CCDC88A: variants seen among roughly 807,000 people sequenced by gnomAD.
CCDC88A encodes the protein coiled-coil and HOOK domain protein 88A, also known as girdin.
Under a neutral mutation model 234.3 loss-of-function variants are expected in CCDC88A, and 54 were observed. The observed-to-expected ratio is 0.23, with a 90% confidence interval of 0.19 to 0.29. The LOEUF (loss-of-function observed/expected upper bound fraction) is 0.29, where lower values mean the gene tolerates loss of function less well. Ranked by LOEUF, CCDC88A falls within the 10% of genes least tolerant of loss-of-function variation. The pLI is 1.00. For missense variants in CCDC88A, 1,832 were observed against 2,123.4 expected (o/e 0.86, Z 2.70); for synonymous variants, 753 against 737.8 (o/e 1.02, Z -0.33).
intron 2 of CCDC88A, among the ~76,000 whole-genome samples, chr2:55,393,223 T>C (rs1386206233): frequency 2.0e-5 from 3 of 151,586 alleles, no homozygotes; most frequent in Non-Finnish European, 4.4e-5. Context: ...GATTTTTTTT[T>C]CTCTTACATT....
intron 2 of CCDC88A, among the ~76,000 whole-genome samples, chr2:55,391,852 T>C (rs906386658): frequency 2.0e-5 from 3 of 152,236 alleles, no homozygotes; most frequent in Admixed American, 2.0e-4. Flanking sequence ...CTTGTCCCAA[T>C]AATGAATGGA....
chr2:55,360,466 G>T (rs776406104), intron 7 of CCDC88A, among the ~76,000 whole-genome samples: 1 of 152,064 alleles, frequency 6.6e-6, no homozygotes, highest in Admixed American at 6.6e-5. Context: ...AAAATTTCCC[G>T]GATAACTGGA....
intron 3 of CCDC88A, among the ~76,000 whole-genome samples, chr2:55,377,383 C>G (rs1673842933): frequency 6.7e-6 from 1 of 150,354 alleles, no homozygotes; most frequent in Non-Finnish European, 1.5e-5. Flanking sequence ...ATCTTGAACT[C>G]CTGGACTCAA....
In CCDC88A at chr2:55,302,062, G is replaced by A. The variant is rs1159552409; in HGVS notation, c.4482C>T (p.Asp1494=). ...CTGCTAGGACCATGGACTGCACCAG[G>A]TCATTCATGGCTGGGATGCAAATGA... ...ACYRRSMSMN[D]LVQSMVLAGQ... The change falls in exon 27 of 33, where the codon GAC becomes GAT. Residue 1494 remains aspartate (D), a synonymous_variant. Transcript: ENST00000436346. The A allele has an allele frequency of 6.2e-7, 1 of 1,613,348 alleles. No individual in the cohort carries two copies. Among genetic ancestry groups the A allele is most frequent in the South Asian group, 1.1e-5 (1 of 91,044 alleles).
chr2:55,399,928 T>G (rs1449294656), intron 2 of CCDC88A, among the ~76,000 whole-genome samples: 4 of 152,208 alleles, frequency 2.6e-5, no homozygotes, highest in African/African-American at 9.7e-5. Context: ...TGTGTTTTTA[T>G]CAGCTTCCTC....
rs2289168 is a variant in CCDC88A, at chr2:55,291,767, T to C, written c.5560A>G (p.Lys1854Glu). 8.7e-4 allele frequency: 1,396 copies of C among 1,611,482 alleles called. 22 individuals are homozygous for C. The East Asian group carries it at 0.03, about 35-fold the overall frequency. ...SNTTAASNVD[K>E]VQESRNSKSR... Reference sequence around the variant, plus strand: ...TTTGAATTTCTGCTTTCTTGTACTTTGTCCACATCTGCAGGAGAAAAGCAT... The same window carrying C: ...TTTGAATTTCTGCTTTCTTGTACTTCGTCCACATCTGCAGGAGAAAAGCAT... The change falls in exon 32 of 33, where the codon AAA (lysine) becomes GAA (glutamate). Residue 1854 changes from lysine (K) to glutamate (E), a missense_variant. Lys to Glu is a moderately conservative substitution (Grantham distance 56). Coordinates refer to ENST00000436346, the MANE Select transcript of CCDC88A (RefSeq NM_001365480.1).
In CCDC88A at chr2:55,411,795, A is replaced by AG. The variant is rs1178872717; in HGVS notation, c.164+7020_164+7021insC. On this transcript the variant is annotated intron_variant, in intron 2 of 32. Coordinates refer to ENST00000436346, the MANE Select transcript of CCDC88A (RefSeq NM_001365480.1). The stretch of plus-strand genomic sequence containing the variant: ...ACTCCGTCTCAAAAAAAAAAAAAAA[A>AG]AAAAAAAACTCAACATATTGGACAG... Among the ~76,000 whole-genome samples the AG allele has an allele frequency of 2.1e-5, 3 of 142,282 alleles. 1 individual carries two copies. Among genetic ancestry groups the AG allele is most frequent in the African/African-American group, 2.6e-5 (1 of 38,492 alleles). The allele number at this position is 142,282 out of a possible 152,430, so 93.3% of individuals were successfully genotyped here. A position where few individuals can be genotyped will look rare whatever the true frequency, so the allele number is the denominator to read the frequency against.
At chr2:55,316,135 A>C in intron 21 of CCDC88A, 21 bp from the exon 22 acceptor site, 1 of 1,062,238 alleles carries the variant, frequency 9.4e-7, no homozygotes, top group Non-Finnish European at 1.3e-6. Context: ...AAATCATAGA[A>C]ATATAATTAG....
At chr2:55,414,674 T>G (rs1354004687) in intron 2 of CCDC88A, among the ~76,000 whole-genome samples, 4 of 152,250 alleles carry the variant, frequency 2.6e-5, no homozygotes, top group Non-Finnish European at 2.9e-5. Flanking sequence ...AGTTAGCTCT[T>G]CACTTTCAGA....
At chr2:55,371,678 G>T (rs1025892213) in intron 5 of CCDC88A, among the ~76,000 whole-genome samples, 5 of 152,012 alleles carry the variant, frequency 3.3e-5, no homozygotes, top group Non-Finnish European at 7.4e-5. Context: ...ACAGAAATGG[G>T]GTTTCATTAT....
intron 12 of CCDC88A, among the ~76,000 whole-genome samples, chr2:55,340,870 TTAAA>T (rs1420515803): frequency 6.6e-6 from 1 of 152,192 alleles, no homozygotes; most frequent in Admixed American, 6.5e-5. Flanking sequence ...TTAGGTGTTT[TTAAA>T]TAGTCACTAT....
intron 9 of CCDC88A, among the ~76,000 whole-genome samples, chr2:55,347,593 T>C (rs963429708): frequency 1.4e-5 from 2 of 146,598 alleles, no homozygotes; most frequent in African/African-American, 2.5e-5. Context: ...ACCTATGTTA[T>C]CTATTCATCT....
In CCDC88A at chr2:55,402,709, T is replaced by TAAA. The variant is rs1558829476; in HGVS notation, c.165-13824_165-13823insTTT. 3.6e-4 allele frequency among the ~76,000 whole-genome samples: 4 copies of TAAA among 11,036 alleles called. 1 individual carries two copies. The highest frequency in any genetic ancestry group is 6.3e-4 in the Non-Finnish European group (2 of 3,188). The allele number at this position is 11,036 out of a possible 152,430, so 7.2% of individuals were successfully genotyped here. A position where few individuals can be genotyped will look rare whatever the true frequency, so the allele number is the denominator to read the frequency against. ...AAATGTCGGCACATTTTATTACTAT[T>TAAA]TAAAAAAAAAAAAAAACCGGCCAGG... On this transcript the variant is annotated intron_variant, in intron 2 of 32. Transcript: ENST00000436346.
chr2:55,392,583 T>C (rs1022323625), intron 2 of CCDC88A, among the ~76,000 whole-genome samples: 2 of 152,234 alleles, frequency 1.3e-5, no homozygotes, highest in African/African-American at 4.8e-5. Flanking sequence ...TTAAAGTTAA[T>C]GTAATATTTT....
At position 55,299,843 on chromosome 2, in the gene CCDC88A, G is replaced by T; in HGVS notation, c.4821C>A (p.Val1607=). ...NSNNNASLHE[V]KAGAVNNQSR... ...ATAAATTTACCTACAGCATACCTTT[G>T]ACTTCATGTAGTGAAGCATTATTAT... is the stretch of plus-strand genomic sequence containing the variant. Residue 1607 remains valine (V), a synonymous_variant, in exon 29 of 33, where the codon GTC becomes GTA. Transcript: ENST00000436346. 1 of 1,604,790 alleles carries T rather than the reference G, an allele frequency of 6.2e-7. No homozygotes were observed. Among genetic ancestry groups the T allele is most frequent in the South Asian group, 1.1e-5 (1 of 90,806 alleles).
Position 55,287,857 on chromosome 2 carries a change from C to T in CCDC88A, c.*3343G>A, listed in dbSNP as rs1679181454. On this transcript the variant is annotated 3_prime_UTR_variant, in exon 33 of 33. Transcript: ENST00000436346. ...TACTAACCAGTTGTTACAAAAATCA[C>T]CTCTTGGTTTTATTTCTTTTTATAT... 6.6e-6 allele frequency: 1 copy of T among 152,218 alleles called. No individual in the cohort carries two copies. The highest frequency in any genetic ancestry group is 6.5e-5 in the Admixed American group (1 of 15,272). The allele number at this position is 152,218 out of a possible 1,614,324, so 9.4% of individuals were successfully genotyped here. A position where few individuals can be genotyped will look rare whatever the true frequency, so the allele number is the denominator to read the frequency against.
chr2:55,331,071 G>T (rs1684856754), intron 16 of CCDC88A, among the ~76,000 whole-genome samples: 2 of 152,136 alleles, frequency 1.3e-5, no homozygotes, highest in African/African-American at 4.8e-5. Flanking sequence ...CTGTATGAAG[G>T]GTCCACCCAG....
At chr2:55,301,457 T>G in intron 27 of CCDC88A, 180 bp from the exon 28 acceptor site, 1 of 527,206 alleles carries the variant, frequency 1.9e-6, no homozygotes. Flanking sequence ...CAACTCTCAT[T>G]AGAGTTGACT....
At chr2:55,306,781 G>C (rs2104588051) in intron 25 of CCDC88A, among the ~76,000 whole-genome samples, 1 of 152,180 alleles carries the variant, frequency 6.6e-6, no homozygotes, top group East Asian at 1.9e-4. Context: ...TCACCATGTT[G>C]GCCAGACTGG....
Sources: allele counts gnomAD v4.1 joint callset (sites outside exome capture counted in the v4.1 genomes callset), GRCh38; gene constraint gnomAD v4.1.1; transcripts MANE v1.5; gene names NCBI Gene and HGNC (gene_info 2026-07-23, HGNC 2026-07-21).